The following BOC variants were observed in gnomAD, a reference collection of about 807,000 sequenced individuals.
The protein encoded by BOC is brother of CDO.
In BOC, 76 loss-of-function variants were observed where a neutral mutation model predicts 112.0. That is an observed-to-expected ratio of 0.68 (90% CI 0.56 to 0.82). The LOEUF is 0.82. BOC is among the 40% of genes least tolerant of loss of function. The pLI, the probability that BOC is intolerant of heterozygous loss-of-function variation, is 0.00. For synonymous variants in BOC, 580 were observed against 599.8 expected, an observed-to-expected ratio of 0.97 and a Z score of 0.48; for missense variants, 1,309 against 1,511.7, an observed-to-expected ratio of 0.87 and a Z score of 2.22.
At chr3:113,243,498 T>A (rs1413032842) in intron 2 of BOC, among the ~76,000 whole-genome samples, 2 of 152,248 alleles carry the variant, frequency 1.3e-5, no homozygotes, top group Non-Finnish European at 2.9e-5. Context: ...CCTACTCTTT[T>A]TAACATTTTA....
Position 113,260,841 on chromosome 3 carries a change from G to A in BOC, c.377-7458G>A, listed in dbSNP as rs78956347. ...ATGCGAGGGATTTAGGAGGTTGTGC[G>A]CCCCTTATGAGAATCTAACTAATGT... On this transcript the variant is annotated intron_variant, in intron 4 of 19. Transcript: ENST00000682979. 9.2e-4 allele frequency among the ~76,000 whole-genome samples: 140 copies of A among 151,890 alleles called. 1 individual carries two copies. Among genetic ancestry groups the A allele is most frequent in the African/African-American group, 3.3e-3 (136 of 41,274 alleles).
chr3:113,220,782 T>A (rs545999481), intron 2 of BOC, among the ~76,000 whole-genome samples: 1 of 152,228 alleles, frequency 6.6e-6, no homozygotes, highest in African/African-American at 2.4e-5. Flanking sequence ...TCGGGCAATG[T>A]AGGGTCTCAG....
At position 113,279,837 on chromosome 3, in the gene BOC, G is replaced by C; in HGVS notation, c.2037G>C (p.Lys679Asn). 6.2e-7 allele frequency: 1 copy of C among 1,607,656 alleles called. No homozygotes were observed. Among genetic ancestry groups the C allele is most frequent in the Non-Finnish European group, 8.5e-7 (1 of 1,176,596 alleles). Residue 679 changes from lysine to asparagine, a missense_variant, in exon 13 of 20, where the codon AAG becomes AAC. Physicochemically the swap from Lys to Asn is moderately conservative, Grantham distance 94. Coordinates refer to ENST00000682979, the MANE Select transcript of BOC (RefSeq NM_001378074.1). Reference sequence around the variant, plus strand: ...CCCTCTCACCAGGCACCTCCTACAAGTTTCGAGTCCGGGCTCTGAACATGC... The same window carrying C: ...CCCTCTCACCAGGCACCTCCTACAACTTTCGAGTCCGGGCTCTGAACATGC... The part of the protein sequence containing the change: ...ITGLEKGTSY[K>N]FRVRALNMLG...
Position 113,249,904 on chromosome 3 carries a change from G to T in BOC, c.97+5G>T. The T allele has an allele frequency of 6.2e-7, 1 of 1,612,664 alleles. No individual in the cohort carries two copies. The highest frequency in any genetic ancestry group is 8.5e-7 in the Non-Finnish European group (1 of 1,179,238). On this transcript the variant is annotated splice_donor_5th_base_variant and intron_variant, in intron 3 of 19. Coordinates refer to ENST00000682979, the MANE Select transcript of BOC (RefSeq NM_001378074.1). ...CAGGCTGCTTTGCTGACTTGAGTGA[G>T]TGCTTTCCTTCCCTTTCCCTGCCCT...
In BOC at chr3:113,283,554, G is replaced by A. The variant is rs773446561; in HGVS notation, c.2578G>A (p.Gly860Arg). 7.4e-6 allele frequency: 12 copies of A among 1,613,740 alleles called. No homozygotes were observed. In the African/African-American group the frequency reaches 8.0e-5, roughly 11 times the overall value. Residue 860 changes from glycine (G) to arginine (R), a missense_variant, in exon 16 of 20, where the codon GGG becomes AGG. Coordinates refer to ENST00000682979, the MANE Select transcript of BOC (RefSeq NM_001378074.1). The part of the protein sequence containing the change: ...RSSDLPYLIV[G>R]VVLGSIVLII... ...CAGCGACCTGCCCTATCTGATTGTC[G>A]GGGTCGTCCTGGGCTCCATCGTTCT...
At position 113,273,089 on chromosome 3, in the gene BOC, G is replaced by C. The variant is rs763637071; in HGVS notation, c.982G>C (p.Glu328Gln). The change falls in exon 8 of 20, where the codon GAG becomes CAG. Residue 328 changes from glutamate to glutamine, a missense_variant. By Grantham distance (29) the Glu-to-Gln change is conservative. Transcript: ENST00000682979. ...GGCAGAACCCCCTGAGGTCACCATG[G>C]AGCTATCCCAGCTGGTCATCCCCTG... ...QVFEPPEVTM[E>Q]LSQLVIPWGQ... 1 of 1,606,982 alleles carries C rather than the reference G, an allele frequency of 6.2e-7. No individual in the cohort carries two copies. Among genetic ancestry groups the C allele is most frequent in the South Asian group, 1.1e-5 (1 of 90,860 alleles).
intron 4 of BOC, among the ~76,000 whole-genome samples, chr3:113,257,272 C>A (rs1437431220): frequency 6.6e-6 from 1 of 152,184 alleles, no homozygotes; most frequent in African/African-American, 2.4e-5. Context: ...CCATTCAAAC[C>A]TCTGGATGCT....
chr3:113,282,880 A>C (rs1265313229), intron 15 of BOC, among the ~76,000 whole-genome samples: 2 of 152,108 alleles, frequency 1.3e-5, no homozygotes, highest in Non-Finnish European at 2.9e-5. Context: ...TAAAGTGAGG[A>C]GCTGATGGCC....
intron 4 of BOC, among the ~76,000 whole-genome samples, chr3:113,260,589 G>C (rs74592115): frequency 6.6e-6 from 1 of 151,386 alleles, no homozygotes; most frequent in East Asian, 1.9e-4. Context: ...GGAGGTGAGC[G>C]GTGGACCAGC....
chr3:113,278,889 T>A lies in BOC; in HGVS notation c.1816+106T>A, dbSNP rs934661354. 2.2e-5 allele frequency: 20 copies of A among 916,362 alleles called. No individual in the cohort carries two copies. In the Admixed American group the frequency reaches 3.0e-4, roughly 14 times the overall value. The allele number at this position is 916,362 out of a possible 1,614,324, so 56.8% of individuals were successfully genotyped here. On this transcript the variant is annotated intron_variant, in intron 11 of 19. Coordinates refer to ENST00000682979, the MANE Select transcript of BOC (RefSeq NM_001378074.1). This position sits in a 1 kb window ranked among gnomAD's most constrained non-coding sequence, Gnocchi z 4.2. ...CTTGCTTCTGTAGGTCCAGGGTTTT[T>A]ATGACATCTCCCAGTTAACCACAAT... is the stretch of plus-strand genomic sequence containing the variant.
At chr3:113,212,498 A>G (rs925114681) in intron 1 of BOC, 1 of 152,266 alleles carries the variant, frequency 6.6e-6, no homozygotes, top group African/African-American at 2.4e-5. Context: ...GAGTCACTCA[A>G]CACGCACTCG....
At chr3:113,275,522 G>A (rs1488972761) in intron 9 of BOC, among the ~76,000 whole-genome samples, 3 of 152,202 alleles carry the variant, frequency 2.0e-5, no homozygotes, top group Non-Finnish European at 4.4e-5. Flanking sequence ...AAATGTTTTT[G>A]TTCACTCCAA....
At chr3:113,272,926 C>G in intron 7 of BOC, 143 bp from the exon 8 acceptor site, 1 of 1,148,158 alleles carries the variant, frequency 8.7e-7, no homozygotes, top group Non-Finnish European at 1.2e-6. Context: ...GACATCAGAC[C>G]TCTCCTTCCC....
intron 2 of BOC, among the ~76,000 whole-genome samples, chr3:113,236,264 G>GTATATATATACCCA (rs1559821292): frequency 3.9e-5 from 1 of 25,464 alleles, no homozygotes; most frequent in Non-Finnish European, 1.0e-4. Flanking sequence ...GTGTGTGTGT[G>GTATATATATACCCA]TGTATATATA....
Position 113,283,506 on chromosome 3 carries a change from A to G in BOC, c.2530A>G (p.Thr844Ala). 6.2e-7 allele frequency: 1 copy of G among 1,613,996 alleles called. No individual in the cohort carries two copies. Among genetic ancestry groups the G allele is most frequent in the Non-Finnish European group, 8.5e-7 (1 of 1,179,998 alleles). ...LPETIERPVG[T>A]GAMVARSSDL... ...TGAAACCATAGAGCGGCCGGTGGGC[A>G]CTGGGGCCATGGTGGCTCGCTCCAG... The change falls in exon 16 of 20, where the codon ACT becomes GCT. Residue 844 changes from threonine to alanine, a missense_variant. Thr to Ala is a moderately conservative substitution (Grantham distance 58). Coordinates refer to ENST00000682979, the MANE Select transcript of BOC (RefSeq NM_001378074.1).
rs1423067169 is a variant in BOC at position 113,271,090 on chromosome 3, T to A, written c.667+146T>A. 3 of 1,221,614 alleles carry A rather than the reference T, an allele frequency of 2.5e-6. No homozygotes were observed. In the African/African-American group the frequency reaches 4.4e-5, roughly 18 times the overall value. 75.7% of individuals were successfully genotyped at this position (1,221,614 alleles called of 1,614,324 possible). A position where few individuals can be genotyped will look rare whatever the true frequency, so the allele number is the denominator to read the frequency against. On this transcript the variant is annotated intron_variant, in intron 6 of 19. Coordinates refer to ENST00000682979, the MANE Select transcript of BOC (RefSeq NM_001378074.1). Reference sequence around the variant, plus strand: ...CTTTGGCCAGGGGGACAGCCAGGGGTTCTCAGCCAGGGATTCTCTCCCCTC... The same window carrying A: ...CTTTGGCCAGGGGGACAGCCAGGGGATCTCAGCCAGGGATTCTCTCCCCTC...
Position 113,273,054 on chromosome 3 carries a change from C to G in BOC, c.962-15C>G, listed in dbSNP as rs1309701982. On this transcript the variant is annotated splice_polypyrimidine_tract_variant and intron_variant, in intron 7 of 19. Coordinates refer to ENST00000682979, the MANE Select transcript of BOC (RefSeq NM_001378074.1). ...AAGACACAGCCCTTCTCACCCTGCT[C>G]TGGTTTCCTGGCAGAACCCCCTGAG... 1 of 1,588,016 alleles carries G rather than the reference C, an allele frequency of 6.3e-7. No individual in the cohort carries two copies. The highest frequency in any genetic ancestry group is 8.6e-7 in the Non-Finnish European group (1 of 1,160,130).
At chr3:113,250,943 C>G in intron 4 of BOC, 110 bp downstream of exon 4, 1 of 1,354,774 alleles carries the variant, frequency 7.4e-7, no homozygotes, top group South Asian at 1.3e-5. Context: ...ATAAAATGGG[C>G]CTTAACTGCA....
chr3:113,220,965 A>ATGGC (rs1181338201), intron 2 of BOC, among the ~76,000 whole-genome samples: 1 of 152,162 alleles, frequency 6.6e-6, no homozygotes, highest in African/African-American at 2.4e-5. Context: ...GCTGGGAAAG[A>ATGGC]TGGCTGTGTT....
Sources: gnomAD v4.1 joint callset for allele counts (sites outside exome capture counted in the v4.1 genomes callset) on GRCh38, gnomAD v4.1.1 for gene constraint, Gnocchi (gnomAD v3.1) non-coding constraint, MANE v1.5 for transcripts, NCBI Gene and HGNC (gene_info 2026-07-23, HGNC 2026-07-21) for gene names.